Variants in EYS observed in about 807,000 individuals in gnomAD.
EYS encodes the protein protein eyes shut homolog.
Under a neutral mutation model 282.1 loss-of-function variants are expected in EYS, and 250 were observed. The observed-to-expected ratio is 0.89, with a 90% confidence interval of 0.80 to 0.98. EYS has a LOEUF of 0.98. EYS is among the 50% of genes least tolerant of loss of function. The pLI is 0.00. For missense variants in EYS, 4,016 were observed against 3,709.0 expected (o/e 1.08, Z -2.15); for synonymous variants, 1,355 against 1,282.9 (o/e 1.06, Z -1.20).
intron 31 of EYS, among the ~76,000 whole-genome samples, chr6:64,084,287 G>T (rs1322668130): frequency 6.6e-6 from 1 of 151,158 alleles, no homozygotes; most frequent in Non-Finnish European, 1.5e-5. Flanking sequence ...TCAAACTCTT[G>T]TTGTTGACAG....
chr6:64,393,679 T>G, intron 28 of EYS, among the ~76,000 whole-genome samples: 1 of 151,580 alleles, frequency 6.6e-6, no homozygotes, highest in Non-Finnish European at 1.5e-5. Context: ...AATATCATAC[T>G]GAATGGGCAA....
At chr6:64,682,703 T>C (rs1431853227) in intron 22 of EYS, among the ~76,000 whole-genome samples, 1 of 152,198 alleles carries the variant, frequency 6.6e-6, no homozygotes, top group East Asian at 1.9e-4. Context: ...AGACAGTCTG[T>C]GAAGTCTTAG....
chr6:63,730,488 T>C lies in EYS; in HGVS notation c.8072-3808A>G, dbSNP rs1034245853. On this transcript the variant is annotated intron_variant, in intron 41 of 42. Transcript: ENST00000503581. ...CCCAACATTCCCACCATTGTGCATA[T>C]GGTGCACTGCATAACCCCAAGGGGA... Among the ~76,000 whole-genome samples the C allele has an allele frequency of 3.3e-5, 5 of 152,204 alleles. No individual in the cohort carries two copies. The East Asian group carries it at 9.6e-4, about 29-fold the overall frequency.
intron 36 of EYS, among the ~76,000 whole-genome samples, chr6:63,836,609 TA>T (rs147013938): frequency 0.012 from 1,879 of 152,128 alleles, 32 homozygotes; most frequent in African/African-American, 0.043. Flanking sequence ...TATATCTATG[TA>T]AAAAATCATA....
chr6:64,824,426 C>T (rs979713958), intron 19 of EYS, among the ~76,000 whole-genome samples: 4 of 151,850 alleles, frequency 2.6e-5, no homozygotes, highest in Non-Finnish European at 5.9e-5. Flanking sequence ...AGGCATGCAT[C>T]AAAAACAACC....
intron 26 of EYS, among the ~76,000 whole-genome samples, chr6:64,546,493 A>G (rs1369677944): frequency 2.0e-5 from 3 of 152,206 alleles, no homozygotes; most frequent in Non-Finnish European, 4.4e-5. Context: ...ACCAAAAGCA[A>G]TGACAACAAA....
At chr6:64,396,260 T>C (rs753764772) in intron 28 of EYS, among the ~76,000 whole-genome samples, 1 of 152,190 alleles carries the variant, frequency 6.6e-6, no homozygotes, top group Non-Finnish European at 1.5e-5. Flanking sequence ...TGAATAGTGC[T>C]GCTATAGACA....
At chr6:64,128,807 C>T (rs1437867152) in intron 31 of EYS, among the ~76,000 whole-genome samples, 1 of 152,274 alleles carries the variant, frequency 6.6e-6, no homozygotes. Flanking sequence ...TTACTGCTCA[C>T]TGTGTATGGA....
intron 1 of EYS, among the ~76,000 whole-genome samples, chr6:65,644,187 GAA>G (rs1767377810): frequency 6.6e-6 from 1 of 151,898 alleles, no homozygotes; most frequent in Non-Finnish European, 1.5e-5. Flanking sequence ...GGTTATTAAA[GAA>G]AAAACCTTCA....
chr6:63,766,943 A>T lies in EYS; in HGVS notation c.7899-4310T>A, dbSNP rs540936134. On this transcript the variant is annotated intron_variant, in intron 40 of 42. Coordinates refer to ENST00000503581, the MANE Select transcript of EYS (RefSeq NM_001142800.2). ...CTGGTTCAACATACACAAATTGATA[A>T]ATTTGATTCACCACATAAATAGAAT... Among the ~76,000 whole-genome samples the T allele has an allele frequency of 1.6e-4, 24 of 152,214 alleles. No homozygotes were observed. In the South Asian group the frequency reaches 1.7e-3, roughly 11 times the overall value.
intron 15 of EYS, among the ~76,000 whole-genome samples, chr6:64,939,169 T>C (rs1315513751): frequency 6.6e-6 from 1 of 151,812 alleles, no homozygotes; most frequent in African/African-American, 2.4e-5. Flanking sequence ...CCAATATGAA[T>C]ATAATGTTCA....
chr6:64,549,789 G>C (rs576194898), intron 26 of EYS, among the ~76,000 whole-genome samples: 37 of 149,508 alleles, frequency 2.5e-4, no homozygotes, highest in Middle Eastern at 7.0e-3. Flanking sequence ...AAAACGTGCA[G>C]GTTTGTTACA....
chr6:65,522,663 A>T (rs981385652), intron 2 of EYS, among the ~76,000 whole-genome samples: 2 of 152,184 alleles, frequency 1.3e-5, no homozygotes, highest in Non-Finnish European at 2.9e-5. Flanking sequence ...TTATATGCTA[A>T]TTTTTATTAT....
chr6:64,579,536 C>G (rs985055384), intron 26 of EYS, among the ~76,000 whole-genome samples: 2 of 152,084 alleles, frequency 1.3e-5, no homozygotes, highest in African/African-American at 4.8e-5. Flanking sequence ...TTTTTGTCCT[C>G]ATTTCAATGA....
intron 12 of EYS, among the ~76,000 whole-genome samples, chr6:65,257,359 G>C (rs1369265976): frequency 1.9e-5 from 2 of 107,100 alleles, no homozygotes; most frequent in African/African-American, 4.8e-5. Flanking sequence ...CCTATGTCCT[G>C]AATGGTAATG....
chr6:65,268,586 T>C (rs1047316242), intron 12 of EYS, among the ~76,000 whole-genome samples: 1 of 152,062 alleles, frequency 6.6e-6, no homozygotes, highest in Non-Finnish European at 1.5e-5. Flanking sequence ...GAAATGGTTA[T>C]GAAAGCATTG....
intron 12 of EYS, among the ~76,000 whole-genome samples, chr6:65,168,295 T>C (rs1274087811): frequency 6.6e-6 from 1 of 151,274 alleles, no homozygotes; most frequent in Non-Finnish European, 1.5e-5. Flanking sequence ...AAAAATAAGA[T>C]GGCTTGAAAT....
chr6:65,546,071 G>A (rs1203633623), intron 2 of EYS, among the ~76,000 whole-genome samples: 1 of 150,592 alleles, frequency 6.6e-6, no homozygotes, highest in East Asian at 1.9e-4. Context: ...CCAGGCTGGA[G>A]TGTAGTGGCG....
chr6:63,755,979 T>G, intron 41 of EYS, among the ~76,000 whole-genome samples: 1 of 152,242 alleles, frequency 6.6e-6, no homozygotes, highest in East Asian at 1.9e-4. Context: ...ACATTGATCT[T>G]GTATCCTGAG....
Sources: allele counts gnomAD v4.1 joint callset (sites outside exome capture counted in the v4.1 genomes callset), GRCh38; gene constraint gnomAD v4.1.1; transcripts MANE v1.5; gene names NCBI Gene and HGNC (gene_info 2026-07-23, HGNC 2026-07-21).